The following FAM135B variants were observed in gnomAD, a reference collection of about 807,000 sequenced individuals.
The protein encoded by FAM135B is family with sequence similarity 135 member B, also known as protein FAM135B.
A neutral mutation model predicts 127.7 loss-of-function variants in FAM135B; 43 were observed. The observed-to-expected ratio is 0.34, with a 90% CI of 0.26 to 0.43. The LOEUF (loss-of-function observed/expected upper bound fraction) is 0.43. Among genes scored for constraint, FAM135B ranks in the 20% least tolerant of loss-of-function variants. The pLI, the probability that FAM135B is intolerant of heterozygous loss-of-function variation, is 1.00. For synonymous variants in FAM135B, 670 were observed against 665.1 expected, an observed-to-expected ratio of 1.01 and a Z score of -0.11; for missense variants, 1,558 against 1,725.6, an observed-to-expected ratio of 0.90 and a Z score of 1.72.
intron 15 of FAM135B, among the ~76,000 whole-genome samples, chr8:138,144,081 A>G (rs1208799948): frequency 6.6e-6 from 1 of 152,166 alleles, no homozygotes; most frequent in African/African-American, 2.4e-5. Flanking sequence ...CTCCTTATTT[A>G]TTACAGGGGG....
In FAM135B at chr8:138,153,087, G is replaced by T. The variant is rs1274136638; in HGVS notation, c.1388C>A (p.Ser463Tyr). 6.2e-7 allele frequency: 1 copy of T among 1,614,018 alleles called. No homozygotes were observed. Among genetic ancestry groups the T allele is most frequent in the Non-Finnish European group, 8.5e-7 (1 of 1,180,012 alleles). Residue 463 changes from serine (S) to tyrosine (Y), a missense_variant, in exon 13 of 20, where the codon TCT becomes TAT. By Grantham distance (144) the Ser-to-Tyr change is moderately radical. This residue lies in a region of FAM135B where 923 missense variants were observed against 865.3 expected (regional missense o/e 1.07). Transcript: ENST00000395297. ...NLSFREDLVL[S>Y]TIKPSQMDSD... ...ATCCATTTGGGATGGTTTTATGGTA[G>T]ACAAGACAAGGTCTTCCCTAAAAGA...
At chr8:138,408,236 A>G (rs930262941) in intron 1 of FAM135B, among the ~76,000 whole-genome samples, 3 of 152,128 alleles carry the variant, frequency 2.0e-5, no homozygotes, top group Non-Finnish European at 2.9e-5. Context: ...TTTTTCCTCT[A>G]TAAGGCTGTT....
intron 2 of FAM135B, among the ~76,000 whole-genome samples, chr8:138,320,579 T>G (rs1465257939): frequency 6.6e-6 from 1 of 152,220 alleles, no homozygotes; most frequent in African/African-American, 2.4e-5. Flanking sequence ...TACTATTTAC[T>G]TCTTTTGTAT....
At chr8:138,328,052 A>T (rs1827929664) in intron 2 of FAM135B, among the ~76,000 whole-genome samples, 1 of 152,106 alleles carries the variant, frequency 6.6e-6, no homozygotes, top group Non-Finnish European at 1.5e-5. Flanking sequence ...TGTCTCGGGG[A>T]ACAAGCCTAA....
intron 1 of FAM135B, among the ~76,000 whole-genome samples, chr8:138,449,542 G>A (rs1325910656): frequency 6.6e-6 from 1 of 152,140 alleles, no homozygotes; most frequent in Non-Finnish European, 1.5e-5. Flanking sequence ...TTGGGAAGCA[G>A]TCATGGGCCC....
chr8:138,215,792 C>T (rs1818497263), intron 7 of FAM135B, among the ~76,000 whole-genome samples: 1 of 152,190 alleles, frequency 6.6e-6, no homozygotes, highest in Non-Finnish European at 1.5e-5. Flanking sequence ...TCCTCCCACC[C>T]ATGAATGGCT....
intron 1 of FAM135B, among the ~76,000 whole-genome samples, chr8:138,387,687 T>C (rs542276635): frequency 6.6e-6 from 1 of 152,106 alleles, no homozygotes; most frequent in Non-Finnish European, 1.5e-5. Flanking sequence ...GCGCTGTTAT[T>C]ACCCAATTCC....
intron 1 of FAM135B, among the ~76,000 whole-genome samples, chr8:138,404,910 G>A (rs921730696): frequency 2.6e-5 from 4 of 152,094 alleles, no homozygotes; most frequent in African/African-American, 9.7e-5. Flanking sequence ...TTCTGTTAAC[G>A]TTGATATTTT....
chr8:138,373,610 C>G (rs1831280983), intron 1 of FAM135B, among the ~76,000 whole-genome samples: 1 of 151,964 alleles, frequency 6.6e-6, no homozygotes, highest in African/African-American at 2.4e-5. Flanking sequence ...CACTGGTGAG[C>G]TGGGCGGAAC....
At chr8:138,154,676 G>C (rs1005195293) in intron 12 of FAM135B, among the ~76,000 whole-genome samples, 2 of 152,066 alleles carry the variant, frequency 1.3e-5, no homozygotes, top group Admixed American at 1.3e-4. Flanking sequence ...ATTCAATCAA[G>C]TGGAAGAAAG....
chr8:138,427,983 C>T (rs562070637), intron 1 of FAM135B, among the ~76,000 whole-genome samples: 1 of 152,222 alleles, frequency 6.6e-6, no homozygotes, highest in East Asian at 1.9e-4. Context: ...AAAGTCCTCT[C>T]ACTCTTTTTA....
intron 11 of FAM135B, among the ~76,000 whole-genome samples, chr8:138,170,526 A>C (rs764959802): frequency 7.2e-5 from 11 of 152,134 alleles, no homozygotes; most frequent in Middle Eastern, 3.2e-3. Context: ...CCGGCCCACT[A>C]TCTTTATTTG....
intron 12 of FAM135B, among the ~76,000 whole-genome samples, chr8:138,155,282 G>A (rs1162110796): frequency 1.3e-5 from 2 of 152,180 alleles, no homozygotes; most frequent in Non-Finnish European, 2.9e-5. Flanking sequence ...CCTTACAAGA[G>A]CTCCTGAAGG....
At chr8:138,280,501 TC>T (rs1409629005) in intron 3 of FAM135B, among the ~76,000 whole-genome samples, 3 of 152,124 alleles carry the variant, frequency 2.0e-5, no homozygotes, top group Non-Finnish European at 4.4e-5. Flanking sequence ...GGAGCACTTA[TC>T]CCCGTGACCA....
At position 138,427,611 on chromosome 8, in the gene FAM135B, G is replaced by A. The variant is rs556471360; in HGVS notation, c.-19-59609C>T. Among the ~76,000 whole-genome samples, 207 of 152,078 alleles carry A rather than the reference G, an allele frequency of 1.4e-3. 1 individual carries two copies. The highest frequency in any genetic ancestry group is 4.8e-3 in the African/African-American group (198 of 41,496). On this transcript the variant is annotated intron_variant, in intron 1 of 19. Coordinates refer to ENST00000395297, the MANE Select transcript of FAM135B (RefSeq NM_015912.4). Reference sequence around the variant, plus strand: ...GTAATGGGTCAGTGAGTGAGTAAACGTGTCCTGTAAATGCTATTACATTAA... The same window carrying A: ...GTAATGGGTCAGTGAGTGAGTAAACATGTCCTGTAAATGCTATTACATTAA...
rs541010254 is a variant in FAM135B, at chr8:138,303,781, C to A, written c.157+7060G>T. Among the ~76,000 whole-genome samples, 3 of 152,256 alleles carry A rather than the reference C, an allele frequency of 2.0e-5. No homozygotes were observed. The East Asian group carries it at 5.8e-4, about 29-fold the overall frequency. On this transcript the variant is annotated intron_variant, in intron 3 of 19. Coordinates refer to ENST00000395297, the MANE Select transcript of FAM135B (RefSeq NM_015912.4). ...ATGCGTATGTGGGCTCCCAACAGGA[C>A]AGGAAATCTATCGAGTACCCACATA... is the stretch of plus-strand genomic sequence containing the variant.
chr8:138,374,120 C>T (rs749662451), intron 1 of FAM135B, among the ~76,000 whole-genome samples: 7 of 152,186 alleles, frequency 4.6e-5, no homozygotes, highest in African/African-American at 1.2e-4. Flanking sequence ...GGGCATCACA[C>T]AACCTATTGA....
chr8:138,168,148 C>A, intron 11 of FAM135B, 99 bp from the exon 12 acceptor site: 1 of 1,327,466 alleles, frequency 7.5e-7, no homozygotes, highest in Non-Finnish European at 1.0e-6. Flanking sequence ...CGGTTCTCAG[C>A]TGACTCTGGC....
intron 1 of FAM135B, among the ~76,000 whole-genome samples, chr8:138,370,685 C>G (rs541624990): frequency 2.6e-5 from 4 of 152,204 alleles, no homozygotes; most frequent in Admixed American, 2.6e-4. Context: ...CTCCTGACCT[C>G]GTGATCTGCC....
Sources: gnomAD v4.1 joint callset for allele counts (sites outside exome capture counted in the v4.1 genomes callset) on GRCh38, gnomAD v4.1.1 for gene constraint, gnomAD v4.1.1 regional missense constraint, MANE v1.5 for transcripts, NCBI Gene and HGNC (gene_info 2026-07-23, HGNC 2026-07-21) for gene names.